Variants in STARD9 observed in about 807,000 individuals in gnomAD.
STARD9 encodes the protein stAR-related lipid transfer protein 9.
In STARD9, 346 loss-of-function variants were observed where a neutral mutation model predicts 399.8. The ratio of observed to expected loss-of-function variants is 0.87; its 90% confidence interval spans 0.79 to 0.95. The LOEUF is 0.95. STARD9 is among the 40% of genes least tolerant of loss of function. STARD9 has a pLI of 0.00. For missense variants in STARD9, 5,832 were observed against 5,667.5 expected, an observed-to-expected ratio of 1.03 and a Z score of -0.93; for synonymous variants, 2,203 against 2,143.5, an observed-to-expected ratio of 1.03 and a Z score of -0.77.
At chr15:42,586,013 G>A (rs2058270653) in intron 3 of STARD9, among the ~76,000 whole-genome samples, 1 of 152,160 alleles carries the variant, frequency 6.6e-6, no homozygotes, top group Admixed American at 6.5e-5. Context: ...TGATGTTTTG[G>A]TCTGAGAAAT....
chr15:42,581,588 C>G (rs1210597915), intron 1 of STARD9: 1 of 798,182 alleles, frequency 1.3e-6, no homozygotes, highest in African/African-American at 1.7e-5. Flanking sequence ...GAGCTCTGCG[C>G]ACTCCTCGCT....
intron 26 of STARD9, among the ~76,000 whole-genome samples, chr15:42,697,427 CT>C (rs548289854): frequency 6.6e-6 from 1 of 152,010 alleles, no homozygotes; most frequent in African/African-American, 2.4e-5. Context: ...AATAGTGTTT[CT>C]TTTTTTCTCT....
intron 3 of STARD9, among the ~76,000 whole-genome samples, chr15:42,620,241 A>C (rs2059059873): frequency 6.6e-6 from 1 of 152,180 alleles, no homozygotes; most frequent in African/African-American, 2.4e-5. Flanking sequence ...GCAGAGGTTC[A>C]AGTTGCCCTG....
At chr15:42,696,491 A>T (rs893614309) in intron 26 of STARD9, among the ~76,000 whole-genome samples, 12 of 152,202 alleles carry the variant, frequency 7.9e-5, no homozygotes, top group Non-Finnish European at 1.6e-4. Context: ...TGTGGACTAT[A>T]ATGAGAGTTC....
At chr15:42,580,494 A>AT (rs1355665796) in intron 1 of STARD9, among the ~76,000 whole-genome samples, 1 of 152,152 alleles carries the variant, frequency 6.6e-6, no homozygotes, top group Non-Finnish European at 1.5e-5. Flanking sequence ...TGGAACAAAA[A>AT]TGAGGGGTAT....
At chr15:42,604,246 A>G (rs1044168480) in intron 3 of STARD9, among the ~76,000 whole-genome samples, 2 of 152,224 alleles carry the variant, frequency 1.3e-5, no homozygotes, top group Admixed American at 1.3e-4. Context: ...GTCTGCTTCT[A>G]CTTGTTTGAT....
intron 30 of STARD9, 83 bp downstream of exon 30, chr15:42,718,262 G>T: frequency 7.2e-7 from 1 of 1,379,608 alleles, no homozygotes; most frequent in South Asian, 1.2e-5. Context: ...GAGGTGGAGG[G>T]TTGGAGGCAG....
chr15:42,652,665 C>T, intron 9 of STARD9, 73 bp downstream of exon 9: 1 of 1,337,994 alleles, frequency 7.5e-7, no homozygotes, highest in Non-Finnish European at 1.0e-6. Flanking sequence ...TGTCTTCCTT[C>T]CTATTTCTTT....
In STARD9 at chr15:42,701,288, T is replaced by A. The variant is rs142547974; in HGVS notation, c.13284+5408T>A. 6.6e-5 allele frequency among the ~76,000 whole-genome samples: 10 copies of A among 152,342 alleles called. No individual in the cohort carries two copies. The East Asian group carries it at 1.3e-3, about 21-fold the overall frequency. ...ATTATTTTTTCTATGAAGAATGTTA[T>A]TCGTATTTTGATAGAGCTTGCATTG... On this transcript the variant is annotated intron_variant, in intron 26 of 32. Coordinates refer to ENST00000290607, the MANE Select transcript of STARD9 (RefSeq NM_020759.3).
At chr15:42,673,822 C>A in intron 16 of STARD9, 1 of 430,628 alleles carries the variant, frequency 2.3e-6, no homozygotes, top group Admixed American at 2.5e-5. Flanking sequence ...TCCACTGATT[C>A]ATTTGTACTA....
intron 1 of STARD9, among the ~76,000 whole-genome samples, chr15:42,580,367 C>CAAAG (rs1310432519): frequency 1.3e-5 from 2 of 152,172 alleles, no homozygotes; most frequent in African/African-American, 4.8e-5. Context: ...AGGTGGGATA[C>CAAAG]AAAGGAACAT....
rs1056691262 is a variant in STARD9, at chr15:42,716,776, G to C, written c.13372+12G>C. On this transcript the variant is annotated intron_variant, in intron 27 of 32. Transcript: ENST00000290607. ...GAACTCTGCCTACAGTGAGTTGCGG[G>C]GAGTGTTGGGCATAGCCAGCTGCCT... 1.2e-5 allele frequency: 18 copies of C among 1,533,932 alleles called. No individual in the cohort carries two copies. In the Admixed American group the frequency reaches 3.3e-4, roughly 28 times the overall value.
At chr15:42,697,124 T>G (rs2060862941) in intron 26 of STARD9, among the ~76,000 whole-genome samples, 1 of 152,226 alleles carries the variant, frequency 6.6e-6, no homozygotes, top group Non-Finnish European at 1.5e-5. Flanking sequence ...CAGTTTGTTG[T>G]ATATTTCCAG....
intron 26 of STARD9, among the ~76,000 whole-genome samples, chr15:42,712,572 T>A (rs1183358868): frequency 6.6e-6 from 1 of 152,196 alleles, no homozygotes; most frequent in Non-Finnish European, 1.5e-5. Flanking sequence ...TTTAAAAGAT[T>A]ATTATTTCCC....
At chr15:42,645,902 G>A (rs1419698688) in intron 7 of STARD9, among the ~76,000 whole-genome samples, 2 of 151,744 alleles carry the variant, frequency 1.3e-5, no homozygotes, top group Non-Finnish European at 2.9e-5. Context: ...GCTCATGCCT[G>A]TAATCCCAGC....
At position 42,600,526 on chromosome 15, in the gene STARD9, C is replaced by CT. The variant is rs796979908; in HGVS notation, c.234+14905dup. ...AGGGTTTTGCTTCGTTTCTTTCTTTCTTTTTTTTTTTTTTTTGAGACCAAG... is the reference window on the plus strand; with the variant it reads ...AGGGTTTTGCTTCGTTTCTTTCTTTCTTTTTTTTTTTTTTTTTGAGACCAAG... On this transcript the variant is annotated intron_variant, in intron 3 of 32. Coordinates refer to ENST00000290607, the MANE Select transcript of STARD9 (RefSeq NM_020759.3). 9.4e-3 allele frequency among the ~76,000 whole-genome samples: 1,312 copies of CT among 139,466 alleles called. 16 individuals carry two copies. Among genetic ancestry groups the CT allele is most frequent in the African/African-American group, 0.025 (951 of 38,576 alleles). The allele number at this position is 139,466 out of a possible 152,430, so 91.5% of individuals were successfully genotyped here.
At chr15:42,667,418 C>T (rs1187466998) in intron 15 of STARD9, among the ~76,000 whole-genome samples, 1 of 150,614 alleles carries the variant, frequency 6.6e-6, no homozygotes, top group Non-Finnish European at 1.5e-5. Flanking sequence ...CTCCTGACCT[C>T]GTGATCCACC....
At chr15:42,626,928 G>A (rs2059238905) in intron 3 of STARD9, among the ~76,000 whole-genome samples, 1 of 151,630 alleles carries the variant, frequency 6.6e-6, no homozygotes, top group African/African-American at 2.4e-5. Context: ...TCGGCTCACT[G>A]CAACTTCTAC....
At chr15:42,596,501 G>A (rs750073113) in intron 3 of STARD9, among the ~76,000 whole-genome samples, 1 of 152,172 alleles carries the variant, frequency 6.6e-6, no homozygotes, top group Non-Finnish European at 1.5e-5. Flanking sequence ...GCAGCCCTTT[G>A]AGCAAAAGAT....
Sources: allele counts gnomAD v4.1 joint callset (sites outside exome capture counted in the v4.1 genomes callset), GRCh38; gene constraint gnomAD v4.1.1; transcripts MANE v1.5; gene names NCBI Gene and HGNC (gene_info 2026-07-23, HGNC 2026-07-21).